NT5DC3: variants seen among roughly 807,000 people sequenced by gnomAD.
NT5DC3 encodes 5'-nucleotidase domain-containing protein 3.
In NT5DC3, 42 loss-of-function variants were observed where a neutral mutation model predicts 67.8. The ratio of observed to expected loss-of-function variants is 0.62; its 90% CI spans 0.48 to 0.80. NT5DC3 has a LOEUF of 0.80. NT5DC3 is among the 30% of genes least tolerant of loss of function. NT5DC3 has a pLI of 0.00. For synonymous variants in NT5DC3, 237 were observed against 255.6 expected (o/e 0.93, Z 0.69); for missense variants, 570 against 696.4 (o/e 0.82, Z 2.04).
chr12:103,832,730 A>ATTTTTAAACAGTCCCCATGCTGTTTTTT (rs1887985739), intron 1 of NT5DC3, among the ~76,000 whole-genome samples: 1 of 152,134 alleles, frequency 6.6e-6, no homozygotes, highest in Non-Finnish European at 1.5e-5. Flanking sequence ...TTAAATCTAA[A>ATTTTTAAACAGTCCCCATGCTGTTTTTT]AAACAGTCCC....
chr12:103,779,873 G>A (rs1885476701), intron 13 of NT5DC3, among the ~76,000 whole-genome samples: 1 of 152,170 alleles, frequency 6.6e-6, no homozygotes, highest in African/African-American at 2.4e-5. Context: ...TGAAATAGCT[G>A]TGGTTACAAA....
At chr12:103,766,314 A>G (rs779854699), downstream of NT5DC3, 4 of 1,613,772 alleles carry the variant, frequency 2.5e-6, no homozygotes, top group East Asian at 8.9e-5. Context: ...CTTGAGGGCA[A>G]TGACCCCTTG....
intron 2 of NT5DC3, among the ~76,000 whole-genome samples, chr12:103,813,892 A>G (rs1887138654): frequency 6.6e-6 from 1 of 152,186 alleles, no homozygotes; most frequent in South Asian, 2.1e-4. Context: ...TAGTTTGCAT[A>G]ATTTGGGTTT....
intron 2 of NT5DC3, among the ~76,000 whole-genome samples, chr12:103,813,861 G>A (rs561934534): frequency 7.2e-5 from 11 of 152,196 alleles, no homozygotes; most frequent in Non-Finnish European, 1.3e-4. Flanking sequence ...TCTGGTACTC[G>A]AATGGTTAAA....
chr12:103,824,845 T>C (rs573067646), intron 1 of NT5DC3, among the ~76,000 whole-genome samples: 25 of 152,298 alleles, frequency 1.6e-4, no homozygotes, highest in South Asian at 6.2e-4. Flanking sequence ...GCTAGAATTT[T>C]ACATCAGTGA....
the NT5DC3 span, among the ~76,000 whole-genome samples, chr12:103,759,438 T>C: frequency 7.9e-5 from 12 of 152,308 alleles, no homozygotes; most frequent in African/African-American, 1.2e-4. Flanking sequence ...ACACTGACAA[T>C]TGGGCAGCCC....
chr12:103,787,627 CTT>C, intron 10 of NT5DC3, 100 bp from the exon 11 acceptor site: 1 of 575,892 alleles, frequency 1.7e-6, no homozygotes, highest in Non-Finnish European at 2.9e-6. Flanking sequence ...GTTTTTATAA[CTT>C]ATTTTAAATA....
chr12:103,840,535 T>A (rs1254024659), intron 1 of NT5DC3, among the ~76,000 whole-genome samples: 7 of 135,798 alleles, frequency 5.2e-5, no homozygotes, highest in African/African-American at 1.9e-4. Flanking sequence ...CTCTTGGGCA[T>A]CTCTGCGCCA....
At chr12:103,800,682 C>T (rs1181679079) in intron 4 of NT5DC3, among the ~76,000 whole-genome samples, 1 of 152,208 alleles carries the variant, frequency 6.6e-6, no homozygotes, top group Non-Finnish European at 1.5e-5. Context: ...GCAGATTGCC[C>T]GGCCACATCT....
chr12:103,820,531 A>G (rs1887448907), intron 1 of NT5DC3, among the ~76,000 whole-genome samples: 1 of 152,106 alleles, frequency 6.6e-6, no homozygotes, highest in Admixed American at 6.5e-5. Context: ...GGAAAGTACA[A>G]TTTTTGCCAA....
At chr12:103,799,498 C>T (rs1248933324) in intron 4 of NT5DC3, among the ~76,000 whole-genome samples, 3 of 152,192 alleles carry the variant, frequency 2.0e-5, no homozygotes, top group Non-Finnish European at 4.4e-5. Context: ...GCATGCCTTT[C>T]GCCTTCTGCC....
chr12:103,816,967 CTTT>C (rs376622215), intron 1 of NT5DC3, among the ~76,000 whole-genome samples: 2 of 118,950 alleles, frequency 1.7e-5, no homozygotes, highest in Admixed American at 9.2e-5. Context: ...TTTCTTTTTT[CTTT>C]TTTTTTTTTT....
the NT5DC3 span, among the ~76,000 whole-genome samples, chr12:103,759,719 G>C: frequency 6.6e-6 from 1 of 151,832 alleles, no homozygotes; most frequent in Non-Finnish European, 1.5e-5. Flanking sequence ...TGATGATACA[G>C]GTCATTATTT....
At chr12:103,829,066 A>G (rs1887818930) in intron 1 of NT5DC3, among the ~76,000 whole-genome samples, 1 of 152,110 alleles carries the variant, frequency 6.6e-6, no homozygotes. Context: ...TAGTATTTTT[A>G]TGTGTTTTAA....
Position 103,841,219 on chromosome 12 carries a change from G to T in NT5DC3, c.-63C>A, listed in dbSNP as rs1322936083. 1.5e-5 allele frequency: 8 copies of T among 523,700 alleles called. No homozygotes were observed. The Admixed American group carries it at 2.6e-4, about 17-fold the overall frequency. 32.4% of individuals were successfully genotyped at this position (523,700 alleles called of 1,614,324 possible). On this transcript the variant is annotated 5_prime_UTR_variant, in exon 1 of 14. Coordinates refer to ENST00000392876, the MANE Select transcript of NT5DC3 (RefSeq NM_001031701.3). ...CTGCGACTGCTGCTGCCCGGCCCAA[G>T]ATCTACCCGCGCTCTGCCCTGCAGG...
chr12:103,809,663 C>T (rs145835749), intron 2 of NT5DC3, among the ~76,000 whole-genome samples: 96 of 152,268 alleles, frequency 6.3e-4, no homozygotes, highest in African/African-American at 2.1e-3. Context: ...GACTTATTCA[C>T]TATTGTGAGA....
At position 103,774,362 on chromosome 12, in the gene NT5DC3, C is replaced by G. The variant is rs1396574428; in HGVS notation, c.*3467G>C. 1.3e-5 allele frequency: 2 copies of G among 152,242 alleles called. No individual in the cohort carries two copies. Among genetic ancestry groups the G allele is most frequent in the Admixed American group, 6.5e-5 (1 of 15,286 alleles). The allele number at this position is 152,242 out of a possible 1,614,324, so 9.4% of individuals were successfully genotyped here. A position where few individuals can be genotyped will look rare whatever the true frequency, so the allele number is the denominator to read the frequency against. On this transcript the variant is annotated 3_prime_UTR_variant, in exon 14 of 14. Transcript: ENST00000392876. ...AATGTGCACATCAGAGAACAAAACA[C>G]CCAGTGCAGTGTGCCAGATCCCAGT... is the stretch of plus-strand genomic sequence containing the variant.
At chr12:103,789,036 C>T (rs979751002) in intron 9 of NT5DC3, 117 bp from the exon 10 acceptor site, 16 of 719,504 alleles carry the variant, frequency 2.2e-5, no homozygotes, top group African/African-American at 8.8e-5. Flanking sequence ...AAAAAAAACC[C>T]GAAACCAAAA....
At chr12:103,798,545 A>C in intron 5 of NT5DC3, 42 bp downstream of exon 5, 1 of 1,383,192 alleles carries the variant, frequency 7.2e-7, no homozygotes, top group Admixed American at 1.7e-5. Flanking sequence ...TGTTTCAAGA[A>C]GGAAAAAGGC....
Sources: gnomAD v4.1 joint callset for allele counts (sites outside exome capture counted in the v4.1 genomes callset) on GRCh38, gnomAD v4.1.1 for gene constraint, MANE v1.5 for transcripts, NCBI Gene and HGNC (gene_info 2026-07-23, HGNC 2026-07-21) for gene names.